AGTPBP1: variants seen among roughly 807,000 people sequenced by gnomAD.
The protein encoded by AGTPBP1 is ATP/GTP binding carboxypeptidase 1.
AGTPBP1 carries 70 observed loss-of-function variants against 143.9 expected under a neutral mutation model. That is an observed-to-expected ratio of 0.49 (90% CI 0.40 to 0.59). The LOEUF is 0.59. Among genes scored for constraint, AGTPBP1 ranks in the 20% least tolerant of loss-of-function variants. AGTPBP1 has a pLI of 0.00. For synonymous variants in AGTPBP1, 463 were observed against 500.2 expected, an observed-to-expected ratio of 0.93 and a Z score of 0.99; for missense variants, 1,229 against 1,464.5, an observed-to-expected ratio of 0.84 and a Z score of 2.62.
At chr9:85,725,708 G>C (rs890498084) in intron 1 of AGTPBP1, among the ~76,000 whole-genome samples, 8 of 152,098 alleles carry the variant, frequency 5.3e-5, no homozygotes, top group African/African-American at 1.2e-4. Context: ...CCAAGAGTTC[G>C]AGACTAGCCT....
At chr9:85,689,016 A>G (rs1025946202) in intron 3 of AGTPBP1, among the ~76,000 whole-genome samples, 3 of 152,258 alleles carry the variant, frequency 2.0e-5, no homozygotes, top group African/African-American at 7.2e-5. Context: ...CATATTTTGT[A>G]TAAAAATGAG....
chr9:85,585,720 AC>A, intron 22 of AGTPBP1, 126 bp from the exon 23 acceptor site: 1 of 694,286 alleles, frequency 1.4e-6, no homozygotes, highest in Non-Finnish European at 2.1e-6. Flanking sequence ...TAAAAGAACC[AC>A]CATTTAACAA....
At chr9:85,737,957 G>C (rs981391253) in intron 1 of AGTPBP1, among the ~76,000 whole-genome samples, 4 of 152,148 alleles carry the variant, frequency 2.6e-5, no homozygotes, top group African/African-American at 9.7e-5. Flanking sequence ...CAATAGACTG[G>C]ATGCAGGAGC....
At chr9:85,603,832 C>G (rs763249929) in intron 17 of AGTPBP1, among the ~76,000 whole-genome samples, 25 of 151,696 alleles carry the variant, frequency 1.6e-4, no homozygotes, top group Non-Finnish European at 2.8e-4. Context: ...GAGGGAACAT[C>G]GGCAGGAGCC....
At chr9:85,581,106 T>C (rs1052436865) in intron 23 of AGTPBP1, among the ~76,000 whole-genome samples, 1 of 152,196 alleles carries the variant, frequency 6.6e-6, no homozygotes, top group African/African-American at 2.4e-5. Flanking sequence ...ATTTTATTTA[T>C]TTGGGAAAGG....
intron 23 of AGTPBP1, among the ~76,000 whole-genome samples, chr9:85,582,936 A>T (rs1828365963): frequency 6.6e-6 from 1 of 152,128 alleles, no homozygotes; most frequent in South Asian, 2.1e-4. Flanking sequence ...TCCAGATTTG[A>T]GTCAATTAAG....
intron 11 of AGTPBP1, among the ~76,000 whole-genome samples, chr9:85,647,140 G>A (rs111383033): frequency 9.8e-5 from 15 of 152,300 alleles, no homozygotes; most frequent in African/African-American, 3.4e-4. Context: ...AGCTGGGCAT[G>A]GTGGTGCATG....
chr9:85,688,978 G>A (rs992891358), intron 3 of AGTPBP1, among the ~76,000 whole-genome samples: 9 of 151,800 alleles, frequency 5.9e-5, no homozygotes, highest in Admixed American at 2.0e-4. Flanking sequence ...AAATATAATG[G>A]TTTATTTTGT....
At chr9:85,605,037 A>G (rs1829908871) in intron 17 of AGTPBP1, among the ~76,000 whole-genome samples, 1 of 152,336 alleles carries the variant, frequency 6.6e-6, no homozygotes, top group South Asian at 2.1e-4. Context: ...GGCCTTAAAG[A>G]GGAGATAGAG....
the AGTPBP1 span, among the ~76,000 whole-genome samples, chr9:85,784,233 G>A: frequency 6.6e-6 from 1 of 152,242 alleles, no homozygotes; most frequent in East Asian, 1.9e-4. Context: ...GTTTGACCTT[G>A]GGCAAATTAA....
chr9:85,604,085 A>T (rs1829843424), intron 17 of AGTPBP1, among the ~76,000 whole-genome samples: 1 of 152,006 alleles, frequency 6.6e-6, no homozygotes, highest in African/African-American at 2.4e-5. Flanking sequence ...GCAGGACACA[A>T]GCCCGGCTGG....
chr9:85,742,113 G>C, upstream of AGTPBP1: 1 of 983,002 alleles, frequency 1.0e-6, no homozygotes, highest in Non-Finnish European at 1.3e-6. Flanking sequence ...TGTTACCTCC[G>C]TGCGCGCTGC....
chr9:85,580,262 C>T (rs1276421834), intron 23 of AGTPBP1, among the ~76,000 whole-genome samples: 1 of 150,974 alleles, frequency 6.6e-6, no homozygotes, highest in Non-Finnish European at 1.5e-5. Context: ...AGAACTCTCT[C>T]TATATATTAC....
intron 1 of AGTPBP1, chr9:85,741,197 G>C: frequency 2.0e-6 from 2 of 984,424 alleles, no homozygotes; most frequent in Non-Finnish European, 2.4e-6. Flanking sequence ...GTTGTAAACA[G>C]AAGACACACT....
chr9:85,547,403 T>C, intron 25 of AGTPBP1, 117 bp from the exon 26 acceptor site: 1 of 844,006 alleles, frequency 1.2e-6, no homozygotes, highest in Non-Finnish European at 1.6e-6. Context: ...CTGCATTAAC[T>C]TTAAAAATCT....
At position 85,673,713 on chromosome 9, in the gene AGTPBP1, C is replaced by T. The variant is rs377493722; in HGVS notation, c.437-1032G>A. On this transcript the variant is annotated intron_variant, in intron 6 of 25. Transcript: ENST00000357081. ...AATTACCTGTTAGCTACAATGTTCACTATTCAGGTAATGGGTATATTAAAT... is the reference window on the plus strand; with the variant it reads ...AATTACCTGTTAGCTACAATGTTCATTATTCAGGTAATGGGTATATTAAAT... Among the ~76,000 whole-genome samples the T allele has an allele frequency of 3.3e-5, 5 of 152,222 alleles. No individual in the cohort carries two copies. In the South Asian group the frequency reaches 1.0e-3, roughly 32 times the overall value.
the AGTPBP1 span, among the ~76,000 whole-genome samples, chr9:85,778,250 C>G: frequency 6.6e-6 from 1 of 152,182 alleles, no homozygotes; most frequent in Non-Finnish European, 1.5e-5. Context: ...TCATGATAGG[C>G]AGTTCAGGTC....
At chr9:85,573,949 C>T (rs1388690829) in intron 25 of AGTPBP1, among the ~76,000 whole-genome samples, 1 of 152,056 alleles carries the variant, frequency 6.6e-6, no homozygotes, top group Non-Finnish European at 1.5e-5. Flanking sequence ...TCTGCCCGGC[C>T]ACCACCCCGT....
chr9:85,768,468 G>GA, the AGTPBP1 span, among the ~76,000 whole-genome samples: 3 of 151,726 alleles, frequency 2.0e-5, no homozygotes, highest in African/African-American at 7.3e-5. Context: ...AAGTTAATAA[G>GA]AAAAAAAATT....
Sources: gnomAD v4.1 joint callset for allele counts (sites outside exome capture counted in the v4.1 genomes callset) on GRCh38, gnomAD v4.1.1 for gene constraint, MANE v1.5 for transcripts, NCBI Gene and HGNC (gene_info 2026-07-23, HGNC 2026-07-21) for gene names.